Variants in DLG2 observed in about 807,000 individuals in gnomAD.
The protein encoded by DLG2 is disks large homolog 2.
In DLG2, 45 loss-of-function variants were observed where a neutral mutation model predicts 132.5. The observed-to-expected ratio is 0.34, with a 90% confidence interval of 0.27 to 0.44. DLG2 has a LOEUF of 0.44. Ranked by LOEUF, DLG2 falls within the 20% of genes least tolerant of loss-of-function variation. DLG2 has a pLI of 1.00. For synonymous variants in DLG2, 424 were observed against 419.6 expected, an observed-to-expected ratio of 1.01 and a Z score of -0.13; for missense variants, 1,045 against 1,196.9, an observed-to-expected ratio of 0.87 and a Z score of 1.87.
chr11:84,771,125 G>A lies in DLG2; in HGVS notation c.358-236394C>T, dbSNP rs540511610. Among the ~76,000 whole-genome samples, 299 of 152,186 alleles carry A rather than the reference G, an allele frequency of 2.0e-3. 1 individual carries two copies. The highest frequency in any genetic ancestry group is 0.01 in the Middle Eastern group (3 of 294). On this transcript the variant is annotated intron_variant, in intron 6 of 27. Coordinates refer to ENST00000376104, the MANE Select transcript of DLG2 (RefSeq NM_001142699.3). ...AACAGAATAATTTATATTCCTTTGG[G>A]TATACACTCAGTCGTGGGATTGCTG...
intron 6 of DLG2, among the ~76,000 whole-genome samples, chr11:84,769,720 G>T (rs537409892): frequency 6.6e-6 from 1 of 152,038 alleles, no homozygotes; most frequent in Non-Finnish European, 1.5e-5. Context: ...AAATCTTTAG[G>T]CAGCTAGAGA....
chr11:84,221,019 C>T (rs1016211035), intron 8 of DLG2, among the ~76,000 whole-genome samples: 11 of 149,828 alleles, frequency 7.3e-5, no homozygotes, highest in Admixed American at 2.0e-4. Flanking sequence ...ACCCAAGCTG[C>T]TCTTGAACTC....
In DLG2 at chr11:85,598,657, C is replaced by G; in HGVS notation, c.40G>C (p.Asp14His). The G allele has an allele frequency of 1.9e-6, 3 of 1,568,020 alleles. No individual in the cohort carries two copies. Among genetic ancestry groups the G allele is most frequent in the Non-Finnish European group, 2.6e-6 (3 of 1,159,884 alleles). ...FKSSLFQALLDIQEFYEVTLL... is the reference protein window; with the variant it reads ...FKSSLFQALLHIQEFYEVTLL... Reference sequence around the variant, plus strand: ...GATGAATAACTTTCATAATACATACCTAGCAAAGCTTGGAATAAGCTGCTC... The same window carrying G: ...GATGAATAACTTTCATAATACATACGTAGCAAAGCTTGGAATAAGCTGCTC... Residue 14 changes from aspartate (D) to histidine (H), a missense_variant and splice_region_variant, in exon 3 of 28, where the codon GAT (aspartate) becomes CAT (histidine). Asp to His is a moderately conservative substitution (Grantham distance 81, BLOSUM62 -1). Transcript: ENST00000376104.
chr11:85,034,005 G>T (rs144575396), intron 6 of DLG2, among the ~76,000 whole-genome samples: 153 of 152,148 alleles, frequency 1.0e-3, no homozygotes, highest in African/African-American at 3.4e-3. Flanking sequence ...AGGACTTTGG[G>T]GGTTCACTGT....
chr11:85,120,984 C>A (rs1244581139), intron 5 of DLG2, among the ~76,000 whole-genome samples: 1 of 152,044 alleles, frequency 6.6e-6, no homozygotes, highest in Admixed American at 6.6e-5. Context: ...AACATCCATT[C>A]AGCTCCTGTA....
intron 3 of DLG2, among the ~76,000 whole-genome samples, chr11:85,504,473 C>T (rs751289396): frequency 5.3e-5 from 8 of 152,014 alleles, no homozygotes; most frequent in African/African-American, 1.9e-4. Flanking sequence ...ATAGGGAAAC[C>T]TTTCCCCATT....
intron 11 of DLG2, among the ~76,000 whole-genome samples, chr11:84,006,636 C>T (rs35629749): frequency 0.022 from 3,357 of 151,554 alleles, 67 homozygotes; most frequent in Middle Eastern, 0.034. Context: ...AAATATCACA[C>T]GTACCCCATA....
At chr11:84,837,667 T>C (rs1043477137) in intron 6 of DLG2, among the ~76,000 whole-genome samples, 2 of 151,808 alleles carry the variant, frequency 1.3e-5, no homozygotes, top group African/African-American at 4.8e-5. Context: ...TAGAACATTA[T>C]CCCATTGCTA....
At chr11:84,351,151 T>G (rs777806774) in intron 7 of DLG2, among the ~76,000 whole-genome samples, 2 of 152,190 alleles carry the variant, frequency 1.3e-5, no homozygotes, top group Non-Finnish European at 2.9e-5. Context: ...ATTTCAAATC[T>G]TACAGGAATT....
At chr11:84,008,545 G>A (rs754245361) in intron 11 of DLG2, among the ~76,000 whole-genome samples, 6 of 151,784 alleles carry the variant, frequency 4.0e-5, no homozygotes, top group Non-Finnish European at 5.9e-5. Context: ...CTTTCCAAAA[G>A]ATCATCAAAT....
intron 19 of DLG2, among the ~76,000 whole-genome samples, chr11:83,549,234 T>C (rs937891728): frequency 6.6e-6 from 1 of 152,096 alleles, no homozygotes; most frequent in Non-Finnish European, 1.5e-5. Context: ...CTTGGACACA[T>C]ATGACCCATT....
intron 8 of DLG2, among the ~76,000 whole-genome samples, chr11:84,182,605 T>C (rs2096166415): frequency 6.6e-6 from 1 of 151,996 alleles, no homozygotes; most frequent in East Asian, 1.9e-4. Context: ...GTAAAAGCAG[T>C]GTTTAGAGGG....
At chr11:84,078,148 T>C (rs1003888324) in intron 10 of DLG2, among the ~76,000 whole-genome samples, 5 of 152,178 alleles carry the variant, frequency 3.3e-5, no homozygotes, top group Non-Finnish European at 1.5e-5. Flanking sequence ...AATCAGTCCA[T>C]GTTTCCATAG....
At chr11:83,541,235 CT>C (rs1305458723) in intron 20 of DLG2, among the ~76,000 whole-genome samples, 2 of 152,102 alleles carry the variant, frequency 1.3e-5, no homozygotes, top group African/African-American at 4.8e-5. Flanking sequence ...TTTTTTTCTA[CT>C]AATATTTGGA....
At chr11:84,545,608 T>C (rs2099388047) in intron 6 of DLG2, 2 of 349,354 alleles carry the variant, frequency 5.7e-6, no homozygotes, top group East Asian at 1.4e-4. Context: ...ATTCACAATA[T>C]GGTACTTCAA....
chr11:84,339,973 G>A (rs1362418171), intron 7 of DLG2, among the ~76,000 whole-genome samples: 1 of 152,178 alleles, frequency 6.6e-6, no homozygotes, highest in Non-Finnish European at 1.5e-5. Context: ...GTTACTTAGA[G>A]ATTAGGCTTG....
intron 6 of DLG2, among the ~76,000 whole-genome samples, chr11:84,580,099 G>T (rs1254742432): frequency 6.6e-6 from 1 of 152,048 alleles, no homozygotes; most frequent in Non-Finnish European, 1.5e-5. Context: ...GGAGGAACTG[G>T]GCTACTGATT....
chr11:85,323,537 A>G (rs1022965938), intron 3 of DLG2, among the ~76,000 whole-genome samples: 2 of 152,234 alleles, frequency 1.3e-5, no homozygotes, highest in Admixed American at 6.5e-5. Context: ...CTATTTTGAA[A>G]TATACAATAA....
At chr11:85,380,754 C>T (rs1175766133) in intron 3 of DLG2, among the ~76,000 whole-genome samples, 1 of 152,138 alleles carries the variant, frequency 6.6e-6, no homozygotes, top group Admixed American at 6.6e-5. Context: ...TGGATTTGCA[C>T]ATTGAAGGCC....
Sources: allele counts gnomAD v4.1 joint callset (sites outside exome capture counted in the v4.1 genomes callset), GRCh38; gene constraint gnomAD v4.1.1; transcripts MANE v1.5; gene names NCBI Gene and HGNC (gene_info 2026-07-23, HGNC 2026-07-21).